KIAA1614: variants seen among roughly 807,000 people sequenced by gnomAD.
KIAA1614 encodes the protein KIAA1614, also known as uncharacterized protein KIAA1614.
Under a neutral mutation model 88.7 loss-of-function variants are expected in KIAA1614, and 76 were observed. The ratio of observed to expected loss-of-function variants is 0.86; its 90% CI spans 0.71 to 1.04. The LOEUF is 1.04. Ranked by LOEUF, KIAA1614 falls within the 50% of genes least tolerant of loss-of-function variation. The pLI, the probability that KIAA1614 is intolerant of heterozygous loss-of-function variation, is 0.00. For synonymous variants in KIAA1614, 714 were observed against 675.5 expected, an observed-to-expected ratio of 1.06 and a Z score of -0.88; for missense variants, 1,553 against 1,582.5, an observed-to-expected ratio of 0.98 and a Z score of 0.32.
In KIAA1614 at chr1:180,935,504, G is replaced by A; in HGVS notation, c.1595G>A (p.Ser532Asn). 1 of 1,518,002 alleles carries A rather than the reference G, an allele frequency of 6.6e-7. No individual in the cohort carries two copies. Among genetic ancestry groups the A allele is most frequent in the Non-Finnish European group, 8.8e-7 (1 of 1,137,738 alleles). 94.0% of individuals were successfully genotyped at this position (1,518,002 alleles called of 1,614,324 possible). The change falls in exon 5 of 9, where the codon AGC becomes AAC. Residue 532 changes from serine to asparagine, a missense_variant. Coordinates refer to ENST00000367588, the MANE Select transcript of KIAA1614 (RefSeq NM_020950.2). This position sits in a 1 kb window ranked among gnomAD's most constrained non-coding sequence, Gnocchi z 6.1. ...RGHPAPPAPG[S>N]ERRCQACGSC... The stretch of plus-strand genomic sequence containing the variant: ...CACCCGGCACCGCCGGCACCGGGCA[G>A]CGAGAGGAGGTGCCAGGCCTGCGGC...
Position 180,948,664 on chromosome 1 carries a change from C to T in KIAA1614, c.*3076C>T, listed in dbSNP as rs1654655567. On this transcript the variant is annotated 3_prime_UTR_variant, in exon 9 of 9. Coordinates refer to ENST00000367588, the MANE Select transcript of KIAA1614 (RefSeq NM_020950.2). ...TCTTACCTGCCCCCTCCCCGTGCCACCAACCCGTAGACAGGGAGGGCAAGC... is the reference window on the plus strand; with the variant it reads ...TCTTACCTGCCCCCTCCCCGTGCCATCAACCCGTAGACAGGGAGGGCAAGC... The T allele has an allele frequency of 6.6e-6, 1 of 152,284 alleles. No individual in the cohort carries two copies. The highest frequency in any genetic ancestry group is 1.5e-5 in the Non-Finnish European group (1 of 68,094). The allele number at this position is 152,284 out of a possible 1,614,324, so 9.4% of individuals were successfully genotyped here. A position where few individuals can be genotyped will look rare whatever the true frequency, so the allele number is the denominator to read the frequency against.
At chr1:180,919,404 G>C (rs749404806) in intron 3 of KIAA1614, among the ~76,000 whole-genome samples, 2 of 152,214 alleles carry the variant, frequency 1.3e-5, no homozygotes, top group African/African-American at 2.4e-5. Context: ...GTGTTGAGGA[G>C]CGTGACTACA....
At chr1:180,917,192 G>T (rs1216293160) in intron 2 of KIAA1614, 92 bp downstream of exon 2, 6 of 986,968 alleles carry the variant, frequency 6.1e-6, no homozygotes, top group South Asian at 3.2e-5. Context: ...CAGAGGGAGT[G>T]GGGCAGGAAA....
In KIAA1614 at chr1:180,935,815, G is replaced by A. The variant is rs188274594; in HGVS notation, c.1906G>A (p.Ala636Thr). The A allele has an allele frequency of 1.9e-3, 3,033 of 1,613,710 alleles. 2 individuals carry two copies. The highest frequency in any genetic ancestry group is 2.4e-3 in the Non-Finnish European group (2,840 of 1,179,922). ...EEAGTSQAGW[A>T]CGRTQGSSPR... ...GGCGGGGACCTCTCAGGCTGGCTGG[G>A]CGTGTGGGCGGACCCAAGGCAGCAG... The change falls in exon 5 of 9, where the codon GCG (alanine) becomes ACG (threonine). Residue 636 changes from alanine to threonine, a missense_variant. Ala to Thr is a moderately conservative substitution (Grantham distance 58). Transcript: ENST00000367588. The surrounding 1 kb of genome is among the most constrained non-coding windows in gnomAD (Gnocchi z 6.1).
At chr1:180,913,549 C>T (rs1412734520) in intron 1 of KIAA1614, among the ~76,000 whole-genome samples, 1 of 152,212 alleles carries the variant, frequency 6.6e-6, no homozygotes, top group Non-Finnish European at 1.5e-5. Context: ...AAAGCCCGTG[C>T]CCAGGGGACT....
chr1:180,916,223 T>A lies in KIAA1614; in HGVS notation c.120T>A (p.Pro40=). ...CCTCAGCTGTGGAGTGGAGTGGTCC[T>A]GAGCCACAGCTGGATAACGGACACC... ...EGTSAVEWSG[P]EPQLDNGHPP... Residue 40 remains proline (P), a synonymous_variant, in exon 2 of 9, where the codon CCT becomes CCA. Coordinates refer to ENST00000367588, the MANE Select transcript of KIAA1614 (RefSeq NM_020950.2). 1 of 1,613,092 alleles carries A rather than the reference T, an allele frequency of 6.2e-7. No individual in the cohort carries two copies. Among genetic ancestry groups the A allele is most frequent in the Non-Finnish European group, 8.5e-7 (1 of 1,179,814 alleles).
At chr1:180,913,889 A>G (rs1411599793) in intron 1 of KIAA1614, 1 of 152,242 alleles carries the variant, frequency 6.6e-6, no homozygotes, top group Non-Finnish European at 1.5e-5. Context: ...AACTCATAGA[A>G]CAAATTATTT....
chr1:180,929,318 G>A lies in KIAA1614; in HGVS notation c.1205+745G>A, dbSNP rs568305477. On this transcript the variant is annotated intron_variant, in intron 4 of 8. Coordinates refer to ENST00000367588, the MANE Select transcript of KIAA1614 (RefSeq NM_020950.2). ...GGGGTGTGGGAGGTGTGAGAAGGGA[G>A]GCATCTGGAATGAGCCCAGGGTTCT... 2.2e-3 allele frequency among the ~76,000 whole-genome samples: 339 copies of A among 152,152 alleles called. 1 individual carries two copies. Among genetic ancestry groups the A allele is most frequent in the Non-Finnish European group, 3.9e-3 (264 of 68,034 alleles).
At chr1:180,918,288 G>T (rs568980628) in intron 3 of KIAA1614, among the ~76,000 whole-genome samples, 3 of 152,310 alleles carry the variant, frequency 2.0e-5, no homozygotes, top group East Asian at 3.9e-4. Context: ...GATCATCGTT[G>T]TGAAAATCAC....
chr1:180,913,135 C>G lies in KIAA1614; in HGVS notation c.-109C>G. 2 of 848,824 alleles carry G rather than the reference C, an allele frequency of 2.4e-6. No homozygotes were observed. 52.6% of individuals were successfully genotyped at this position (848,824 alleles called of 1,614,324 possible). A position where few individuals can be genotyped will look rare whatever the true frequency, so the allele number is the denominator to read the frequency against. On this transcript the variant is annotated 5_prime_UTR_variant, in exon 1 of 9. Transcript: ENST00000367588. ...GCCGCGCCCCGAGGGGCGAGGCCTG[C>G]GGGCCGCACTCCCTCCGGCCCCGGA...
At position 180,935,641 on chromosome 1, in the gene KIAA1614, T is replaced by G. The variant is rs747426950; in HGVS notation, c.1732T>G (p.Ser578Ala). Residue 578 changes from serine to alanine, a missense_variant, in exon 5 of 9, where the codon TCC (serine) becomes GCC (alanine). Transcript: ENST00000367588. The surrounding 1 kb of genome is among the most constrained non-coding windows in gnomAD (Gnocchi z 6.1). ...GMERVLGGLS[S>A]PLRLLPAEPR... ...GGAGAGGGTGCTGGGTGGCCTGAGC[T>G]CCCCACTCCGGCTCCTTCCTGCAGA... 2.5e-6 allele frequency: 4 copies of G among 1,611,788 alleles called. No homozygotes were observed. Among genetic ancestry groups the G allele is most frequent in the Non-Finnish European group, 8.5e-7 (1 of 1,179,122 alleles).
intron 6 of KIAA1614, among the ~76,000 whole-genome samples, chr1:180,940,299 G>A (rs1335522479): frequency 6.6e-6 from 1 of 152,134 alleles, no homozygotes; most frequent in African/African-American, 2.4e-5. Context: ...TCAGGAGTTC[G>A]AGACCAGCCT....
chr1:180,926,713 G>A (rs1372844203), intron 3 of KIAA1614, among the ~76,000 whole-genome samples: 2 of 152,178 alleles, frequency 1.3e-5, no homozygotes, highest in Admixed American at 6.5e-5. Flanking sequence ...AGAGGCCCAC[G>A]GCTGCAGGGG....
At position 180,935,672 on chromosome 1, in the gene KIAA1614, G is replaced by A. The variant is rs1558070145; in HGVS notation, c.1763G>A (p.Arg588Gln). ...CTCCGGCTCCTTCCTGCAGAGCCCC[G>A]GCTCCACATGGAATGGATCCGGGAA... ...SPLRLLPAEP[R>Q]LHMEWIRETH... The change falls in exon 5 of 9, where the codon CGG becomes CAG. Residue 588 changes from arginine (R) to glutamine (Q), a missense_variant. By Grantham distance (43) the Arg-to-Gln change is conservative. Coordinates refer to ENST00000367588, the MANE Select transcript of KIAA1614 (RefSeq NM_020950.2). The surrounding 1 kb of genome is among the most constrained non-coding windows in gnomAD (Gnocchi z 6.1). 2 of 1,613,372 alleles carry A rather than the reference G, an allele frequency of 1.2e-6. No individual in the cohort carries two copies. The highest frequency in any genetic ancestry group is 4.5e-5 in the East Asian group (2 of 44,874).
chr1:180,933,971 A>G (rs1172219245), intron 4 of KIAA1614, among the ~76,000 whole-genome samples: 2 of 116,876 alleles, frequency 1.7e-5, no homozygotes, highest in East Asian at 4.7e-4. Flanking sequence ...CCCTGACTTT[A>G]AGGCCGGGTG....
chr1:180,932,986 C>CCTAG (rs1319491166), intron 4 of KIAA1614, among the ~76,000 whole-genome samples: 1 of 152,158 alleles, frequency 6.6e-6, no homozygotes, highest in African/African-American at 2.4e-5. Flanking sequence ...GGCAATCCGA[C>CCTAG]CACCTTGGCC....
intron 4 of KIAA1614, among the ~76,000 whole-genome samples, chr1:180,931,210 T>A (rs1208871196): frequency 6.6e-6 from 1 of 152,166 alleles, no homozygotes; most frequent in African/African-American, 2.4e-5. Context: ...ATGCCTAGAT[T>A]GGTGTTACTG....
intron 4 of KIAA1614, among the ~76,000 whole-genome samples, chr1:180,930,826 G>A (rs1654181320): frequency 6.6e-6 from 1 of 152,240 alleles, no homozygotes; most frequent in South Asian, 2.1e-4. Flanking sequence ...AAAAATCAAC[G>A]CCAGATGGCT....
intron 3 of KIAA1614, among the ~76,000 whole-genome samples, chr1:180,920,654 C>T (rs1326951603): frequency 6.7e-6 from 1 of 150,106 alleles, no homozygotes; most frequent in African/African-American, 2.5e-5. Flanking sequence ...GGCAATGGGA[C>T]GAGTAGCTCA....
Sources: gnomAD v4.1 joint callset for allele counts (sites outside exome capture counted in the v4.1 genomes callset) on GRCh38, gnomAD v4.1.1 for gene constraint, Gnocchi (gnomAD v3.1) non-coding constraint, MANE v1.5 for transcripts, NCBI Gene and HGNC (gene_info 2026-07-23, HGNC 2026-07-21) for gene names.